Variants in AFF3 observed in about 807,000 individuals in gnomAD.
AFF3 encodes the protein ALF transcription elongation factor 3.
AFF3 carries 32 observed loss-of-function variants against 129.7 expected under a neutral mutation model. That is an observed-to-expected ratio of 0.25 (90% confidence interval 0.19 to 0.33). The LOEUF (loss-of-function observed/expected upper bound fraction) is 0.33, where lower values mean the gene tolerates loss of function less well. Among genes scored for constraint, AFF3 ranks in the 10% least tolerant of loss-of-function variants. The pLI, the probability that AFF3 is intolerant of heterozygous loss-of-function variation, is 1.00. For synonymous variants in AFF3, 644 were observed against 635.4 expected (o/e 1.01, Z -0.20); for missense variants, 1,373 against 1,592.0 (o/e 0.86, Z 2.34).
In AFF3 at chr2:99,551,154, GT is replaced by G. The variant is rs1333897741; in HGVS notation, c.*319del. 3 of 54,452 alleles carry G rather than the reference GT, an allele frequency of 5.5e-5. No homozygotes were observed. The highest frequency in any genetic ancestry group is 1.7e-4 in the Non-Finnish European group (3 of 18,076). The allele number at this position is 54,452 out of a possible 1,614,324, so 3.4% of individuals were successfully genotyped here. A position where few individuals can be genotyped will look rare whatever the true frequency, so the allele number is the denominator to read the frequency against. ...GTCTGTGATTGTGTGTGAGTGTACG[GT>G]GTGTGTGTGTGTGTGTGTGTGTGTG... On this transcript the variant is annotated 3_prime_UTR_variant, in exon 25 of 25. Coordinates refer to ENST00000672756, the MANE Select transcript of AFF3 (RefSeq NM_001386135.1).
intron 8 of AFF3, among the ~76,000 whole-genome samples, chr2:99,772,037 C>T (rs187661298): frequency 6.6e-6 from 1 of 152,330 alleles, no homozygotes; most frequent in East Asian, 1.9e-4. Flanking sequence ...TGCGGTATTC[C>T]TGCCTTCTTG....
intron 11 of AFF3, among the ~76,000 whole-genome samples, chr2:99,687,836 T>C (rs1675219290): frequency 6.6e-6 from 1 of 152,152 alleles, no homozygotes; most frequent in African/African-American, 2.4e-5. Flanking sequence ...AATACACCTA[T>C]ATTGCTATGA....
At position 99,680,755 on chromosome 2, in the gene AFF3, T is replaced by C. The variant is rs1233395122; in HGVS notation, c.1092-8166A>G. Among the ~76,000 whole-genome samples, 3 of 152,336 alleles carry C rather than the reference T, an allele frequency of 2.0e-5. No individual in the cohort carries two copies. In the East Asian group the frequency reaches 5.8e-4, roughly 29 times the overall value. ...GTTCTTTGGTTGGAAACATCAGTTT[T>C]TGCATTTTTATGGCTGCTGTTATTG... is the stretch of plus-strand genomic sequence containing the variant. On this transcript the variant is annotated intron_variant, in intron 11 of 24. Coordinates refer to ENST00000672756, the MANE Select transcript of AFF3 (RefSeq NM_001386135.1).
At chr2:99,998,426 T>G (rs975652101) in intron 7 of AFF3, among the ~76,000 whole-genome samples, 1 of 151,140 alleles carries the variant, frequency 6.6e-6, no homozygotes, top group African/African-American at 2.4e-5. Context: ...ACAGAGAGCA[T>G]AGAGCATCCC....
intron 13 of AFF3, among the ~76,000 whole-genome samples, chr2:99,643,711 T>TAC (rs1270885820): frequency 6.6e-6 from 1 of 152,158 alleles, no homozygotes; most frequent in African/African-American, 2.4e-5. Flanking sequence ...TCCAACCCCC[T>TAC]ACACTGCCAG....
chr2:99,970,400 C>G (rs994592198), intron 7 of AFF3, among the ~76,000 whole-genome samples: 1 of 152,104 alleles, frequency 6.6e-6, no homozygotes. Flanking sequence ...AAAACATCTC[C>G]CTCCCTCACC....
At chr2:100,088,035 G>T (rs1286097576) in intron 4 of AFF3, among the ~76,000 whole-genome samples, 3 of 149,798 alleles carry the variant, frequency 2.0e-5, no homozygotes, top group East Asian at 3.9e-4. Flanking sequence ...CCTGATAAAG[G>T]GCATCTATGA....
rs1032826832 is a variant in AFF3, at chr2:99,564,617, G to A, written c.3119+870C>T. 5.3e-5 allele frequency among the ~76,000 whole-genome samples: 8 copies of A among 152,134 alleles called. 1 individual carries two copies. The highest frequency in any genetic ancestry group is 1.5e-5 in the Non-Finnish European group (1 of 68,038). On this transcript the variant is annotated intron_variant, in intron 20 of 24. Transcript: ENST00000672756. ...AAACTATTTACTGAGGGAAAGTGGTGTGTAAAACACCAAGTAGCATCTTTG... is the reference window on the plus strand; with the variant it reads ...AAACTATTTACTGAGGGAAAGTGGTATGTAAAACACCAAGTAGCATCTTTG...
At chr2:99,703,483 T>C (rs1677068359) in intron 11 of AFF3, among the ~76,000 whole-genome samples, 1 of 152,202 alleles carries the variant, frequency 6.6e-6, no homozygotes, top group African/African-American at 2.4e-5. Flanking sequence ...GAATGTCCGA[T>C]TGTTTCAACA....
chr2:99,769,674 G>GTTGTGACTGACACTGTATCTGCA (rs1375518136), intron 8 of AFF3, among the ~76,000 whole-genome samples: 1 of 152,196 alleles, frequency 6.6e-6, no homozygotes, highest in Non-Finnish European at 1.5e-5. Flanking sequence ...TGACTTGGGT[G>GTTGTGACTGACACTGTATCTGCA]TTGTGACTGA....
chr2:99,688,835 C>T (rs1051258295), intron 11 of AFF3, among the ~76,000 whole-genome samples: 13 of 152,290 alleles, frequency 8.5e-5, no homozygotes, highest in East Asian at 1.9e-4. Flanking sequence ...TTTTATCTCA[C>T]GGGCATCTTC....
intron 4 of AFF3, among the ~76,000 whole-genome samples, chr2:100,062,135 G>A (rs1331285524): frequency 6.6e-6 from 1 of 152,302 alleles, no homozygotes; most frequent in East Asian, 1.9e-4. Context: ...TCTTCCAGGG[G>A]GTCAGATGGA....
rs1433260308 is a variant in AFF3, at chr2:99,938,072, A to G, written c.873+68560T>C. Among the ~76,000 whole-genome samples the G allele has an allele frequency of 2.6e-5, 4 of 152,142 alleles. No homozygotes were observed. The East Asian group carries it at 7.7e-4, about 29-fold the overall frequency. On this transcript the variant is annotated intron_variant, in intron 7 of 24. Coordinates refer to ENST00000672756, the MANE Select transcript of AFF3 (RefSeq NM_001386135.1). ...TGGCTTCTCAGAGCCTCAGCTTTCC[A>G]TCAGTTAAAATACCTACTCTTTAGA...
Position 99,666,638 on chromosome 2 carries a change from A to T in AFF3, c.1143+5900T>A, listed in dbSNP as rs576955350. Among the ~76,000 whole-genome samples, 10 of 152,354 alleles carry T rather than the reference A, an allele frequency of 6.6e-5. No individual in the cohort carries two copies. In the South Asian group the frequency reaches 2.1e-3, roughly 32 times the overall value. ...GTGAATAAAAATATGACAACTATTA[A>T]TTTATGCTGTATATAAGAAACTCAT... On this transcript the variant is annotated intron_variant, in intron 12 of 24. Transcript: ENST00000672756.
chr2:99,752,439 A>C (rs542179276), intron 8 of AFF3, 138 bp from the exon 9 acceptor site: 1 of 654,100 alleles, frequency 1.5e-6, no homozygotes, highest in South Asian at 2.2e-5. Flanking sequence ...AAGAATTTTA[A>C]AAAAAGATGT....
intron 7 of AFF3, among the ~76,000 whole-genome samples, chr2:99,849,268 T>C (rs1488449925): frequency 6.6e-6 from 1 of 152,102 alleles, no homozygotes; most frequent in Non-Finnish European, 1.5e-5. Context: ...CCCATGGCAT[T>C]GGAGGGACTG....
chr2:99,717,904 T>G (rs1184753548), intron 11 of AFF3, among the ~76,000 whole-genome samples: 2 of 152,224 alleles, frequency 1.3e-5, no homozygotes, highest in African/African-American at 4.8e-5. Context: ...CCTGAGAAGT[T>G]GCTCTGGCAT....
intron 8 of AFF3, among the ~76,000 whole-genome samples, chr2:99,802,929 C>T (rs928391455): frequency 1.3e-5 from 2 of 152,134 alleles, no homozygotes; most frequent in East Asian, 1.9e-4. Flanking sequence ...TTCCTCTTTT[C>T]CAATTTGAAT....
At chr2:100,010,646 G>A (rs1323415596) in intron 4 of AFF3, among the ~76,000 whole-genome samples, 2 of 152,166 alleles carry the variant, frequency 1.3e-5, no homozygotes, top group Non-Finnish European at 2.9e-5. Flanking sequence ...GGCTCACAGC[G>A]CTAACATCAC....
Sources: allele counts gnomAD v4.1 joint callset (sites outside exome capture counted in the v4.1 genomes callset), GRCh38; gene constraint gnomAD v4.1.1; transcripts MANE v1.5; gene names NCBI Gene and HGNC (gene_info 2026-07-23, HGNC 2026-07-21).